Variants in STAT1 observed in about 807,000 individuals in gnomAD.
STAT1 encodes the protein signal transducer and activator of transcription 1-alpha/beta.
STAT1 carries 24 observed loss-of-function variants against 111.7 expected under a neutral mutation model. The ratio of observed to expected loss-of-function variants is 0.21; its 90% CI spans 0.16 to 0.30. The LOEUF is 0.30. Among genes scored for constraint, STAT1 ranks in the 10% least tolerant of loss-of-function variants. STAT1 has a pLI of 1.00. For synonymous variants in STAT1, 332 were observed against 326.5 expected (o/e 1.02, Z -0.18); for missense variants, 351 against 911.9 (o/e 0.38, Z 7.92).
rs1694125270 is a variant in STAT1, at chr2:190,999,768, G to A, written c.463-64C>T. 2.6e-6 allele frequency: 3 copies of A among 1,167,792 alleles called. No homozygotes were observed. The highest frequency in any genetic ancestry group is 1.7e-5 in the Admixed American group (1 of 57,328). The allele number at this position is 1,167,792 out of a possible 1,614,324, so 72.3% of individuals were successfully genotyped here. A position where few individuals can be genotyped will look rare whatever the true frequency, so the allele number is the denominator to read the frequency against. On this transcript the variant is annotated intron_variant, in intron 6 of 24. Transcript: ENST00000361099. The surrounding 1 kb of genome is among the most constrained non-coding windows in gnomAD (Gnocchi z 4.1). ...CAACTTCCAAAGACTTTAGGCAACAGAGTATTGCTTCTATGGAACCCAGAG... is the reference window on the plus strand; with the variant it reads ...CAACTTCCAAAGACTTTAGGCAACAAAGTATTGCTTCTATGGAACCCAGAG...
rs1248006319 is a variant in STAT1 at position 190,975,194 on chromosome 2, C to T, written c.2136-262G>A. Reference sequence around the variant, plus strand: ...AGACTGGAATCTGTGCCGCTTCTGCCTGGGTAAGCCTAGGTGTGAGCATGT... The same window carrying T: ...AGACTGGAATCTGTGCCGCTTCTGCTTGGGTAAGCCTAGGTGTGAGCATGT... On this transcript the variant is annotated intron_variant, in intron 23 of 24. Coordinates refer to ENST00000361099, the MANE Select transcript of STAT1 (RefSeq NM_007315.4). The surrounding 1 kb of genome is among the most constrained non-coding windows in gnomAD (Gnocchi z 5.9). 1 of 485,948 alleles carries T rather than the reference C, an allele frequency of 2.1e-6. No homozygotes were observed. The highest frequency in any genetic ancestry group is 4.0e-6 in the Non-Finnish European group (1 of 248,508). The allele number at this position is 485,948 out of a possible 1,614,324, so 30.1% of individuals were successfully genotyped here.
chr2:190,990,023 G>A lies in STAT1; in HGVS notation c.1038-349C>T, dbSNP rs537705699. Among the ~76,000 whole-genome samples the A allele has an allele frequency of 1.2e-4, 18 of 152,286 alleles. No homozygotes were observed. In the South Asian group the frequency reaches 2.5e-3, roughly 21 times the overall value. ...TTCGACCTTTGGCCAATTTATATGG[G>A]TAAAATAGCAAACATTACTTTCTAT... On this transcript the variant is annotated intron_variant, in intron 11 of 24. Coordinates refer to ENST00000361099, the MANE Select transcript of STAT1 (RefSeq NM_007315.4). The surrounding 1 kb of genome is among the most constrained non-coding windows in gnomAD (Gnocchi z 5.1).
chr2:190,983,832 T>TG lies in STAT1; in HGVS notation c.1348-93_1348-92insC, dbSNP rs1483248908. The TG allele has an allele frequency of 1.9e-6, 2 of 1,033,496 alleles. No individual in the cohort carries two copies. The highest frequency in any genetic ancestry group is 3.0e-6 in the Non-Finnish European group (2 of 662,672). 64.0% of individuals were successfully genotyped at this position (1,033,496 alleles called of 1,614,324 possible). The stretch of plus-strand genomic sequence containing the variant: ...GCCTCAACTAAAAGCAGGGGATTAT[T>TG]TGTAAATTTGTACATATTTAATACT... On this transcript the variant is annotated intron_variant, in intron 16 of 24. Transcript: ENST00000361099. The surrounding 1 kb of genome is among the most constrained non-coding windows in gnomAD (Gnocchi z 5.7).
chr2:190,982,409 A>G lies in STAT1; in HGVS notation c.1556T>C (p.Leu519Pro). The G allele has an allele frequency of 6.2e-7, 1 of 1,614,254 alleles. No individual in the cohort carries two copies. Residue 519 changes from leucine to proline, a missense_variant, in exon 18 of 25, where the codon CTG (leucine) becomes CCG (proline). Coordinates refer to ENST00000361099, the MANE Select transcript of STAT1 (RefSeq NM_007315.4). The surrounding 1 kb of genome is among the most constrained non-coding windows in gnomAD (Gnocchi z 7.3). The stretch of plus-strand genomic sequence containing the variant: ...AAGAAGCTTCTCTCCCAACATGTTC[A>G]GCTGGTCCACATTGAGACCTCTTTT... Reference protein sequence around the residue: ...VTKRGLNVDQLNMLGEKLLGP... With the variant: ...VTKRGLNVDQPNMLGEKLLGP...
At position 190,977,533 on chromosome 2, in the gene STAT1, C is replaced by T. The variant is rs544637930; in HGVS notation, c.1874-508G>A. On this transcript the variant is annotated intron_variant, in intron 21 of 24. Coordinates refer to ENST00000361099, the MANE Select transcript of STAT1 (RefSeq NM_007315.4). The surrounding 1 kb of genome is among the most constrained non-coding windows in gnomAD (Gnocchi z 4.7). ...TGCTACATTTCCCTGTAACCCTTAA[C>T]GTAATAAACCATGGTTTAATTTACT... is the stretch of plus-strand genomic sequence containing the variant. 1.3e-4 allele frequency among the ~76,000 whole-genome samples: 20 copies of T among 152,300 alleles called. No homozygotes were observed. The South Asian group carries it at 3.3e-3, about 25-fold the overall frequency.
At chr2:190,991,754 G>C (rs1693359786) in intron 10 of STAT1, among the ~76,000 whole-genome samples, 1 of 151,880 alleles carries the variant, frequency 6.6e-6, no homozygotes, top group African/African-American at 2.4e-5. Context: ...ACTACTGGAG[G>C]GTTGAAGTGG....
Position 190,970,516 on chromosome 2 carries a change from T to G in STAT1, c.*187A>C. On this transcript the variant is annotated 3_prime_UTR_variant, in exon 25 of 25. Coordinates refer to ENST00000361099, the MANE Select transcript of STAT1 (RefSeq NM_007315.4). The surrounding 1 kb of genome is among the most constrained non-coding windows in gnomAD (Gnocchi z 5.4). ...ATTTTACCTTCAGTAAGATGCATGATGCCCTTCAGAGTAACTGATGTTTCT... is the reference window on the plus strand; with the variant it reads ...ATTTTACCTTCAGTAAGATGCATGAGGCCCTTCAGAGTAACTGATGTTTCT... 1 of 687,512 alleles carries G rather than the reference T, an allele frequency of 1.5e-6. No homozygotes were observed. Among genetic ancestry groups the G allele is most frequent in the Non-Finnish European group, 2.6e-6 (1 of 381,184 alleles). 42.6% of individuals were successfully genotyped at this position (687,512 alleles called of 1,614,324 possible). A position where few individuals can be genotyped will look rare whatever the true frequency, so the allele number is the denominator to read the frequency against.
chr2:191,005,126 T>A (rs1054462121), intron 5 of STAT1, among the ~76,000 whole-genome samples: 3 of 152,222 alleles, frequency 2.0e-5, no homozygotes, highest in Non-Finnish European at 4.4e-5. Flanking sequence ...GGTCTCTAAA[T>A]GATCTGAACT....
At position 190,975,536 on chromosome 2, in the gene STAT1, G is replaced by A; in HGVS notation, c.2135+276C>T. On this transcript the variant is annotated intron_variant, in intron 23 of 24. Coordinates refer to ENST00000361099, the MANE Select transcript of STAT1 (RefSeq NM_007315.4). The surrounding 1 kb of genome is among the most constrained non-coding windows in gnomAD (Gnocchi z 5.9). ...TTGAAAAGAACTACTTTCCCACTCT[G>A]ATCAACTTTTGCTCATTTTATTTAT... 1 of 1,311,702 alleles carries A rather than the reference G, an allele frequency of 7.6e-7. No homozygotes were observed. Among genetic ancestry groups the A allele is most frequent in the Non-Finnish European group, 1.0e-6 (1 of 994,164 alleles). The allele number at this position is 1,311,702 out of a possible 1,614,324, so 81.3% of individuals were successfully genotyped here. A position where few individuals can be genotyped will look rare whatever the true frequency, so the allele number is the denominator to read the frequency against.
rs941197964 is a variant in STAT1 at position 190,969,344 on chromosome 2, C to G, written c.*1359G>C. 2.6e-5 allele frequency: 4 copies of G among 152,062 alleles called. No individual in the cohort carries two copies. The highest frequency in any genetic ancestry group is 9.7e-5 in the African/African-American group (4 of 41,412). The allele number at this position is 152,062 out of a possible 1,614,324, so 9.4% of individuals were successfully genotyped here. A position where few individuals can be genotyped will look rare whatever the true frequency, so the allele number is the denominator to read the frequency against. On this transcript the variant is annotated 3_prime_UTR_variant, in exon 25 of 25. Transcript: ENST00000361099. ...AGATACTTTAGCTTTAATTTTAAAA[C>G]AAAACTCAAGAAATCTTTATCTCCA...
chr2:191,012,707 C>T lies in STAT1; in HGVS notation c.-2+818G>A, dbSNP rs1223734104. On this transcript the variant is annotated intron_variant, in intron 2 of 24. Transcript: ENST00000361099. The surrounding 1 kb of genome is among the most constrained non-coding windows in gnomAD (Gnocchi z 4.0). ...CATTCCTAGGCAGATTTCCACCCCA[C>T]CCCATCTTCATCCATCAACAAAGCA... 6.6e-6 allele frequency among the ~76,000 whole-genome samples: 1 copy of T among 152,192 alleles called. No homozygotes were observed. The highest frequency in any genetic ancestry group is 1.5e-5 in the Non-Finnish European group (1 of 68,036).
rs1695181095 is a variant in STAT1, at chr2:191,012,140, A to G, written c.-2+1385T>C. ...TAATAAGCTCATGTTTGGGCTGGCC[A>G]GGTGGCTCACGCCTGTAATCCCAGC... On this transcript the variant is annotated intron_variant, in intron 2 of 24. Transcript: ENST00000361099. This position sits in a 1 kb window ranked among gnomAD's most constrained non-coding sequence, Gnocchi z 4.0. Among the ~76,000 whole-genome samples the G allele has an allele frequency of 6.6e-6, 1 of 150,382 alleles. No homozygotes were observed. The highest frequency in any genetic ancestry group is 2.2e-4 in the South Asian group (1 of 4,554).
Position 190,987,772 on chromosome 2 carries a change from C to T in STAT1, c.1098-704G>A, listed in dbSNP as rs1369481850. On this transcript the variant is annotated intron_variant, in intron 12 of 24. Coordinates refer to ENST00000361099, the MANE Select transcript of STAT1 (RefSeq NM_007315.4). The surrounding 1 kb of genome is among the most constrained non-coding windows in gnomAD (Gnocchi z 4.0). ...AGAAATCATGGGCTCACTCACAGATCTATTAGTTCCCCTTCCTTTCCAATC... is the reference window on the plus strand; with the variant it reads ...AGAAATCATGGGCTCACTCACAGATTTATTAGTTCCCCTTCCTTTCCAATC... Among the ~76,000 whole-genome samples, 1 of 152,186 alleles carries T rather than the reference C, an allele frequency of 6.6e-6. No homozygotes were observed. Among genetic ancestry groups the T allele is most frequent in the Non-Finnish European group, 1.5e-5 (1 of 68,038 alleles).
intron 2 of STAT1, among the ~76,000 whole-genome samples, chr2:191,010,880 A>G (rs1381078757): frequency 2.0e-5 from 3 of 152,214 alleles, no homozygotes; most frequent in Non-Finnish European, 4.4e-5. Context: ...AATCACAACA[A>G]AAACTTGATA....
In STAT1 at chr2:190,982,628, C is replaced by A; in HGVS notation, c.1447-110G>T. ...GTTCAATTCTAGTTTATATGACACA[C>A]AGGTGCTTTCACAGTAGGGGAAGAG... On this transcript the variant is annotated intron_variant, in intron 17 of 24. Transcript: ENST00000361099. The surrounding 1 kb of genome is among the most constrained non-coding windows in gnomAD (Gnocchi z 7.3). The A allele has an allele frequency of 1.7e-6, 2 of 1,195,398 alleles. No individual in the cohort carries two copies. The highest frequency in any genetic ancestry group is 2.4e-5 in the East Asian group (1 of 42,400). The allele number at this position is 1,195,398 out of a possible 1,614,324, so 74.0% of individuals were successfully genotyped here.
At position 190,992,849 on chromosome 2, in the gene STAT1, G is replaced by A. The variant is rs1403394365; in HGVS notation, c.945-1529C>T. On this transcript the variant is annotated intron_variant, in intron 10 of 24. Coordinates refer to ENST00000361099, the MANE Select transcript of STAT1 (RefSeq NM_007315.4). ...CCGTCTCCTAGGCTGGAGAGCAATGGCGCAATCTCGGCTCACTGCAACCTC... is the reference window on the plus strand; with the variant it reads ...CCGTCTCCTAGGCTGGAGAGCAATGACGCAATCTCGGCTCACTGCAACCTC... The A allele has an allele frequency of 1.6e-5, 5 of 317,148 alleles. No homozygotes were observed. In the East Asian group the frequency reaches 3.2e-4, roughly 20 times the overall value. The allele number at this position is 317,148 out of a possible 1,614,324, so 19.6% of individuals were successfully genotyped here. A position where few individuals can be genotyped will look rare whatever the true frequency, so the allele number is the denominator to read the frequency against.
chr2:190,990,615 T>C lies in STAT1; in HGVS notation c.1037+613A>G, dbSNP rs2125046313. ...ATATTTGTGTGTGTGTGTGTCTCTATATGAAATATTTGTGTAGACATGGAA... is the reference window on the plus strand; with the variant it reads ...ATATTTGTGTGTGTGTGTGTCTCTACATGAAATATTTGTGTAGACATGGAA... On this transcript the variant is annotated intron_variant, in intron 11 of 24. Transcript: ENST00000361099. This position sits in a 1 kb window ranked among gnomAD's most constrained non-coding sequence, Gnocchi z 5.1. Among the ~76,000 whole-genome samples the C allele has an allele frequency of 6.6e-6, 1 of 152,368 alleles. No individual in the cohort carries two copies. The highest frequency in any genetic ancestry group is 2.1e-4 in the South Asian group (1 of 4,828).
chr2:190,987,030 G>A lies in STAT1; in HGVS notation c.1127+9C>T, dbSNP rs201370851. 381 of 1,610,668 alleles carry A rather than the reference G, an allele frequency of 2.4e-4. 3 individuals carry two copies. Among genetic ancestry groups the A allele is most frequent in the African/African-American group, 2.0e-3 (153 of 74,930 alleles). ...TATAGCACAGTATAGCGTAAAGTAC[G>A]TCACGTACCCTTTTACTGTATTTCT... On this transcript the variant is annotated intron_variant, in intron 13 of 24. Coordinates refer to ENST00000361099, the MANE Select transcript of STAT1 (RefSeq NM_007315.4). This position sits in a 1 kb window ranked among gnomAD's most constrained non-coding sequence, Gnocchi z 4.0.
Position 190,998,833 on chromosome 2 carries a change from A to G in STAT1, c.542-525T>C, listed in dbSNP as rs10183400. Among the ~76,000 whole-genome samples the G allele has an allele frequency of 0.013, 1,972 of 151,972 alleles. 47 individuals carry two copies. Among genetic ancestry groups the G allele is most frequent in the African/African-American group, 0.045 (1,861 of 41,464 alleles). ...ATTATTATAAAAATAAATGTAAATA[A>G]TAAAATGTTTTATCTGAACAGAATT... On this transcript the variant is annotated intron_variant, in intron 7 of 24. Coordinates refer to ENST00000361099, the MANE Select transcript of STAT1 (RefSeq NM_007315.4). The surrounding 1 kb of genome is among the most constrained non-coding windows in gnomAD (Gnocchi z 4.1).
Sources: allele counts gnomAD v4.1 joint callset (sites outside exome capture counted in the v4.1 genomes callset), GRCh38; gene constraint gnomAD v4.1.1; non-coding constraint Gnocchi (gnomAD v3.1); transcripts MANE v1.5; gene names NCBI Gene and HGNC (gene_info 2026-07-23, HGNC 2026-07-21).